CD99L2: variants seen among roughly 807,000 people sequenced by gnomAD.
CD99L2 encodes the protein CD99 antigen-like protein 2.
CD99L2 carries 24 observed loss-of-function variants against 27.3 expected under a neutral mutation model. That is an observed-to-expected ratio of 0.88 (90% CI 0.64 to 1.24). The LOEUF (loss-of-function observed/expected upper bound fraction) is 1.24, where lower values mean the gene tolerates loss of function less well. Ranked by LOEUF, CD99L2 falls within the 50% of genes most tolerant of loss-of-function variation. The pLI, the probability that CD99L2 is intolerant of heterozygous loss-of-function variation, is 0.00. For synonymous variants in CD99L2, 97 were observed against 87.9 expected, an observed-to-expected ratio of 1.10 and a Z score of -0.58; for missense variants, 255 against 221.6, an observed-to-expected ratio of 1.15 and a Z score of -0.96.
chrX:150,839,787 C>A (rs1557421321), intron 1 of CD99L2, among the ~76,000 whole-genome samples: 1 of 110,059 alleles, frequency 9.1e-6, no homozygotes, highest in Non-Finnish European at 1.9e-5. Flanking sequence ...ATAACCCCAG[C>A]ACTTTGAGAG....
At chrX:150,848,382 G>A (rs1186018578) in intron 1 of CD99L2, among the ~76,000 whole-genome samples, 1 of 109,997 alleles carries the variant, frequency 9.1e-6, no homozygotes, top group African/African-American at 3.3e-5. Context: ...GACTGCCAGG[G>A]GCTGGGGAGA....
intron 4 of CD99L2, among the ~76,000 whole-genome samples, chrX:150,812,719 T>C (rs1043006392): frequency 4.5e-5 from 5 of 112,074 alleles, no homozygotes; most frequent in African/African-American, 1.6e-4. Context: ...GAAAGAAAAA[T>C]TTATGTTCAC....
At chrX:150,778,412 G>A (rs1304292716) in intron 7 of CD99L2, among the ~76,000 whole-genome samples, 2 of 104,815 alleles carry the variant, frequency 1.9e-5, no homozygotes, top group African/African-American at 7.0e-5. Context: ...CAATCAAAGA[G>A]TCAGGAGGAA....
chrX:150,794,176 G>A (rs1215813313), intron 6 of CD99L2, among the ~76,000 whole-genome samples: 2 of 111,627 alleles, frequency 1.8e-5, no homozygotes, highest in Non-Finnish European at 3.8e-5. Context: ...AACAGAGTCG[G>A]TCGGTCTCTC....
At chrX:150,847,123 A>G (rs1557421479) in intron 1 of CD99L2, among the ~76,000 whole-genome samples, 1 of 111,805 alleles carries the variant, frequency 8.9e-6, no homozygotes, top group East Asian at 2.8e-4. Context: ...CTCAATTCCA[A>G]TCCTGCAGGT....
At chrX:150,846,663 T>C (rs2046707972) in intron 1 of CD99L2, among the ~76,000 whole-genome samples, 1 of 111,564 alleles carries the variant, frequency 9.0e-6, no homozygotes, top group Non-Finnish European at 1.9e-5. Flanking sequence ...AAATGGCTTA[T>C]AAGAGAATCA....
At chrX:150,844,790 C>T (rs1259948625) in intron 1 of CD99L2, among the ~76,000 whole-genome samples, 1 of 111,449 alleles carries the variant, frequency 9.0e-6, no homozygotes, top group Non-Finnish European at 1.9e-5. Flanking sequence ...TCCACAACAG[C>T]CACAGCCACC....
At chrX:150,878,313 G>C (rs1368504599) in intron 1 of CD99L2, among the ~76,000 whole-genome samples, 3 of 108,100 alleles carry the variant, frequency 2.8e-5, no homozygotes, top group African/African-American at 1.0e-4. Flanking sequence ...ACTCCAGCCT[G>C]GGCAACAAGG....
intron 6 of CD99L2, 87 bp downstream of exon 6, chrX:150,795,119 T>G: frequency 2.5e-5 from 26 of 1,050,513 alleles, no homozygotes; most frequent in Non-Finnish European, 3.5e-5. Context: ...TGGCTTGAAG[T>G]GCCTCCAGCT....
At chrX:150,791,722 G>A (rs1557419712) in intron 7 of CD99L2, among the ~76,000 whole-genome samples, 1 of 110,873 alleles carries the variant, frequency 9.0e-6, no homozygotes, top group Non-Finnish European at 1.9e-5. Context: ...CCCAGGCTGG[G>A]CAGGAAGGAA....
At chrX:150,878,270 G>A (rs1213765411) in intron 1 of CD99L2, among the ~76,000 whole-genome samples, 2 of 107,893 alleles carry the variant, frequency 1.9e-5, no homozygotes, top group Admixed American at 2.0e-4. Context: ...CCCGGGAGGC[G>A]GAGGCTGCAG....
At chrX:150,774,735 G>A (rs1439153888) in intron 9 of CD99L2, among the ~76,000 whole-genome samples, 2 of 112,337 alleles carry the variant, frequency 1.8e-5, no homozygotes, top group Non-Finnish European at 1.9e-5. Flanking sequence ...AATGCAACTC[G>A]ACCCTCTCGC....
intron 1 of CD99L2, among the ~76,000 whole-genome samples, chrX:150,866,087 C>T (rs1202471778): frequency 8.9e-6 from 1 of 112,035 alleles, no homozygotes; most frequent in Non-Finnish European, 1.9e-5. Context: ...TGTGCCACTG[C>T]ACTCCAGCCT....
At chrX:150,890,281 C>G (rs2047488998) in intron 1 of CD99L2, among the ~76,000 whole-genome samples, 1 of 110,771 alleles carries the variant, frequency 9.0e-6, no homozygotes, top group African/African-American at 3.3e-5. Context: ...GAGTTCAAGA[C>G]CAGCCTGGCC....
chrX:150,864,862 G>C (rs1557421993), intron 1 of CD99L2, among the ~76,000 whole-genome samples: 1 of 111,392 alleles, frequency 9.0e-6, no homozygotes. Context: ...ACTTAAGATA[G>C]CAAATTTACC....
chrX:150,864,053 C>T (rs1357670365), intron 1 of CD99L2, among the ~76,000 whole-genome samples: 2 of 111,955 alleles, frequency 1.8e-5, no homozygotes, highest in African/African-American at 6.5e-5. Context: ...TTTCAGCCAC[C>T]CAGTTTGTGA....
At chrX:150,859,629 C>G in intron 1 of CD99L2, among the ~76,000 whole-genome samples, 1 of 108,951 alleles carries the variant, frequency 9.2e-6, no homozygotes, top group Middle Eastern at 4.6e-3. Context: ...TCCCAAGTAG[C>G]TGGGATTACA....
chrX:150,769,675 GCCTGCGCCAC>G lies in CD99L2; in HGVS notation c.722-584_722-575del, dbSNP rs1307394814. ...TCGCCTGAGCTGTCCTAGTCTCCCTGCCTGCGCCACCAGGCCTCGGCTGCTCCCCGACCCC... is the reference window on the plus strand; with the variant it reads ...TCGCCTGAGCTGTCCTAGTCTCCCTGCAGGCCTCGGCTGCTCCCCGACCCC... On this transcript the variant is annotated intron_variant, in intron 10 of 10. Transcript: ENST00000370377. Among the ~76,000 whole-genome samples the G allele has an allele frequency of 1.5e-4, 14 of 90,958 alleles. No individual in the cohort carries two copies. The East Asian group carries it at 4.7e-3, about 31-fold the overall frequency. The allele number at this position is 90,958 out of a possible 115,157, so 79.0% of individuals were successfully genotyped here.
At chrX:150,800,677 C>A (rs1353872738) in intron 4 of CD99L2, among the ~76,000 whole-genome samples, 1 of 111,035 alleles carries the variant, frequency 9.0e-6, no homozygotes, top group Non-Finnish European at 1.9e-5. Flanking sequence ...TACTAAGTAC[C>A]ACTGAATAAT....
Sources: allele counts gnomAD v4.1 joint callset (sites outside exome capture counted in the v4.1 genomes callset), GRCh38; gene constraint gnomAD v4.1.1; transcripts MANE v1.5; gene names NCBI Gene and HGNC (gene_info 2026-07-23, HGNC 2026-07-21).